The following KANK2 variants were observed in gnomAD, a reference collection of about 807,000 sequenced individuals.
The protein encoded by KANK2 is KN motif and ankyrin repeat domain-containing protein 2.
KANK2 carries 41 observed loss-of-function variants against 74.6 expected under a neutral mutation model. That is an observed-to-expected ratio of 0.55 (90% CI 0.43 to 0.71). The LOEUF (loss-of-function observed/expected upper bound fraction) is 0.71. Ranked by LOEUF, KANK2 falls within the 30% of genes least tolerant of loss-of-function variation. The probability of loss-of-function intolerance (pLI) is 0.00; values close to 1 mark genes in which losing one functional copy is unlikely to be tolerated. For missense variants in KANK2, 1,148 were observed against 1,196.4 expected (o/e 0.96, Z 0.60); for synonymous variants, 537 against 519.0 (o/e 1.03, Z -0.47).
chr19:11,190,467 G>A (rs534549309), intron 4 of KANK2, among the ~76,000 whole-genome samples: 1 of 152,248 alleles, frequency 6.6e-6, no homozygotes, highest in African/African-American at 2.4e-5. Flanking sequence ...TGTGACACAG[G>A]ACAAATGAAT....
Position 11,173,132 on chromosome 19 carries a change from C to CA in KANK2, c.2069-10dup. On this transcript the variant is annotated splice_polypyrimidine_tract_variant and intron_variant, in intron 9 of 12. Transcript: ENST00000586659. Reference sequence around the variant, plus strand: ...GTCCACCTTGCAGACACCTAAGAGACATGGTGTGAACCCTCAGACCAGGGA... The same window carrying CA: ...GTCCACCTTGCAGACACCTAAGAGACAATGGTGTGAACCCTCAGACCAGGGA... 1 of 1,610,308 alleles carries CA rather than the reference C, an allele frequency of 6.2e-7. No individual in the cohort carries two copies. The highest frequency in any genetic ancestry group is 8.5e-7 in the Non-Finnish European group (1 of 1,178,034).
Position 11,184,268 on chromosome 19 carries a change from C to T in KANK2, c.1250-5548G>A, listed in dbSNP as rs941281927. Among the ~76,000 whole-genome samples, 17 of 149,646 alleles carry T rather than the reference C, an allele frequency of 1.1e-4. 3 individuals carry two copies. Among genetic ancestry groups the T allele is most frequent in the African/African-American group, 3.0e-4 (12 of 40,626 alleles). ...GCAGGCACCTGTAATCCCAGCTACTCGGGAGGATGAGGCAGGAGAATTGCT... is the reference window on the plus strand; with the variant it reads ...GCAGGCACCTGTAATCCCAGCTACTTGGGAGGATGAGGCAGGAGAATTGCT... On this transcript the variant is annotated intron_variant, in intron 4 of 12. Transcript: ENST00000586659.
chr19:11,195,845 A>G (rs1177939800), intron 1 of KANK2, 25 bp from the exon 2 acceptor site: 1 of 151,972 alleles, frequency 6.6e-6, no homozygotes, highest in Non-Finnish European at 1.5e-5. Flanking sequence ...CACCAATTGC[A>G]GGAAATTCCG....
intron 12 of KANK2, 71 bp from the exon 13 acceptor site, chr19:11,166,682 T>C: frequency 6.8e-7 from 1 of 1,460,228 alleles, no homozygotes; most frequent in Non-Finnish European, 9.6e-7. Flanking sequence ...ACGTGGTGGC[T>C]GGCCTGGTAG....
chr19:11,167,445 C>A (rs2078053266), intron 12 of KANK2, among the ~76,000 whole-genome samples: 1 of 151,980 alleles, frequency 6.6e-6, no homozygotes, highest in African/African-American at 2.4e-5. Flanking sequence ...CTCACAGTAG[C>A]CTTGACTATC....
At chr19:11,192,783 G>GGCCCCCC in intron 4 of KANK2, 48 bp downstream of exon 4, 1 of 1,444,010 alleles carries the variant, frequency 6.9e-7, no homozygotes, top group Non-Finnish European at 9.5e-7. Flanking sequence ...GAAGAAAGAG[G>GGCCCCCC]CCCCCCCCCC....
At chr19:11,197,615 C>A (rs1479525541), upstream of KANK2, 1 of 151,658 alleles carries the variant, frequency 6.6e-6, no homozygotes, top group Non-Finnish European at 1.5e-5. Context: ...GTCCCGCCCC[C>A]CCAGCCGGCA....
chr19:11,188,115 A>G (rs1474851966), intron 4 of KANK2, among the ~76,000 whole-genome samples: 3 of 152,212 alleles, frequency 2.0e-5, no homozygotes, highest in Admixed American at 6.5e-5. Flanking sequence ...TAAGTAATAC[A>G]AGAGAAGTGG....
At chr19:11,194,642 G>A in intron 2 of KANK2, 52 bp from the exon 3 acceptor site, 1 of 707,718 alleles carries the variant, frequency 1.4e-6, no homozygotes, top group Non-Finnish European at 2.5e-6. Context: ...AGGGGGAGGG[G>A]AGGAGATGAG....
Position 11,174,696 on chromosome 19 carries a change from C to T in KANK2, c.1849-4G>A, listed in dbSNP as rs763728624. The T allele has an allele frequency of 5.0e-6, 8 of 1,592,036 alleles. No homozygotes were observed. In the South Asian group the frequency reaches 7.9e-5, roughly 16 times the overall value. On this transcript the variant is annotated splice_region_variant and splice_polypyrimidine_tract_variant and intron_variant, in intron 8 of 12. Transcript: ENST00000586659. ...GCACTGTGGTGTAGGCCACTTTCTG[C>T]ATGCGAGTCAGGTGGGAGAGGATGT...
At chr19:11,177,093 CTTTTTTTTTTT>C (rs33941817) in intron 6 of KANK2, among the ~76,000 whole-genome samples, 3 of 104,770 alleles carry the variant, frequency 2.9e-5, no homozygotes, top group Non-Finnish European at 5.4e-5. Flanking sequence ...ACTCACCCTC[CTTTTTTTTTTT>C]TTTTTTTTTG....
At chr19:11,182,536 AAC>A (rs1555818375) in intron 4 of KANK2, among the ~76,000 whole-genome samples, 19 of 141,960 alleles carry the variant, frequency 1.3e-4, no homozygotes, top group African/African-American at 1.8e-4. Flanking sequence ...TAAAAAAAAA[AAC>A]AAAAAAACAA....
At chr19:11,184,253 G>T in intron 4 of KANK2, among the ~76,000 whole-genome samples, 1 of 148,828 alleles carries the variant, frequency 6.7e-6, no homozygotes. Flanking sequence ...GCAGGCACCT[G>T]TAATCCCAGC....
At position 11,164,771 on chromosome 19, in the gene KANK2, T is replaced by C. The variant is rs1023587541; in HGVS notation, c.*1787A>G. The C allele has an allele frequency of 6.6e-6, 1 of 151,830 alleles. No homozygotes were observed. Among genetic ancestry groups the C allele is most frequent in the African/African-American group, 2.4e-5 (1 of 41,334 alleles). 9.4% of individuals were successfully genotyped at this position (151,830 alleles called of 1,614,324 possible). A position where few individuals can be genotyped will look rare whatever the true frequency, so the allele number is the denominator to read the frequency against. On this transcript the variant is annotated 3_prime_UTR_variant, in exon 13 of 13. Coordinates refer to ENST00000586659, the MANE Select transcript of KANK2 (RefSeq NM_001136191.3). ...CCATCCATCCATCCTGCTTGTCTCC[T>C]TTGACCAGCCAAGCCCTATTTTGTT...
Position 11,185,687 on chromosome 19 carries a change from C to A in KANK2, c.1250-6967G>T, listed in dbSNP as rs1043615999. On this transcript the variant is annotated intron_variant, in intron 4 of 12. Transcript: ENST00000586659. ...TACAAGTAATTGACTTACAGAGGAA[C>A]CTTATTAGGCATACACAGAGAAGCC... 8.7e-5 allele frequency among the ~76,000 whole-genome samples: 13 copies of A among 149,994 alleles called. 1 individual carries two copies. The highest frequency in any genetic ancestry group is 1.3e-4 in the Non-Finnish European group (9 of 67,298).
intron 12 of KANK2, among the ~76,000 whole-genome samples, chr19:11,167,846 G>A (rs185593169): frequency 1.2e-4 from 18 of 151,384 alleles, no homozygotes; most frequent in African/African-American, 3.6e-4. Context: ...CCTTAAACAC[G>A]TCAGACACAC....
At chr19:11,177,292 T>C (rs1444959177) in intron 6 of KANK2, among the ~76,000 whole-genome samples, 1 of 152,080 alleles carries the variant, frequency 6.6e-6, no homozygotes, top group Non-Finnish European at 1.5e-5. Context: ...TTCGCCATGT[T>C]GCCATGTTGG....
intron 4 of KANK2, among the ~76,000 whole-genome samples, chr19:11,187,053 C>T (rs755776031): frequency 1.3e-5 from 2 of 151,826 alleles, no homozygotes; most frequent in South Asian, 2.1e-4. Context: ...GTCAGGAGTT[C>T]GAGACCAGCC....
At chr19:11,177,016 T>C (rs1378931023) in intron 6 of KANK2, among the ~76,000 whole-genome samples, 199 bp from the exon 7 acceptor site, 2 of 151,590 alleles carry the variant, frequency 1.3e-5, no homozygotes, top group African/African-American at 4.9e-5. Context: ...ACATTAGCAG[T>C]GATTATGATC....
Sources: gnomAD v4.1 joint callset for allele counts (sites outside exome capture counted in the v4.1 genomes callset) on GRCh38, gnomAD v4.1.1 for gene constraint, MANE v1.5 for transcripts, NCBI Gene and HGNC (gene_info 2026-07-23, HGNC 2026-07-21) for gene names.